KCNIP4: variants seen among roughly 807,000 people sequenced by gnomAD.
KCNIP4 encodes the protein Kv channel-interacting protein 4.
Under a neutral mutation model 34.0 loss-of-function variants are expected in KCNIP4, and 12 were observed. That is an observed-to-expected ratio of 0.35 (90% CI 0.23 to 0.57). The LOEUF (loss-of-function observed/expected upper bound fraction) is 0.57. KCNIP4 is among the 20% of genes least tolerant of loss of function. KCNIP4 has a pLI of 0.83. For synonymous variants in KCNIP4, 124 were observed against 102.2 expected (o/e 1.21, Z -1.29); for missense variants, 238 against 311.7 (o/e 0.76, Z 1.78).
chr4:20,893,870 T>C (rs918782730), intron 1 of KCNIP4, among the ~76,000 whole-genome samples: 1 of 152,140 alleles, frequency 6.6e-6, no homozygotes, highest in African/African-American at 2.4e-5. Context: ...TAACTCTTAT[T>C]TATTTTTATA....
At chr4:20,736,348 C>T (rs576632842) in intron 5 of KCNIP4, among the ~76,000 whole-genome samples, 137 of 152,078 alleles carry the variant, frequency 9.0e-4, no homozygotes, top group Non-Finnish European at 1.4e-3. Flanking sequence ...TTTTTCTCAT[C>T]ATTATTTCTA....
chr4:21,846,304 G>A (rs1724009741), intron 1 of KCNIP4: 1 of 152,030 alleles, frequency 6.6e-6, no homozygotes, highest in Non-Finnish European at 1.5e-5. Context: ...GACAGATATA[G>A]ATACACATAT....
intron 1 of KCNIP4, among the ~76,000 whole-genome samples, chr4:21,086,159 C>T (rs754186182): frequency 1.3e-5 from 2 of 152,090 alleles, no homozygotes; most frequent in Non-Finnish European, 2.9e-5. Flanking sequence ...TTTCATCCTA[C>T]CACCCCTGGA....
intron 1 of KCNIP4, among the ~76,000 whole-genome samples, chr4:21,785,852 G>A (rs1207579430): frequency 6.6e-6 from 1 of 152,126 alleles, no homozygotes; most frequent in Admixed American, 6.6e-5. Flanking sequence ...CCATTCGTCA[G>A]TTGATGGACA....
chr4:21,241,294 G>A (rs1759793984), intron 1 of KCNIP4, among the ~76,000 whole-genome samples: 1 of 152,110 alleles, frequency 6.6e-6, no homozygotes, highest in African/African-American at 2.4e-5. Flanking sequence ...CCTTTTTGAG[G>A]CATTTCTCAA....
At chr4:21,659,894 G>A (rs573570261) in intron 1 of KCNIP4, among the ~76,000 whole-genome samples, 1 of 152,118 alleles carries the variant, frequency 6.6e-6, no homozygotes, top group Admixed American at 6.6e-5. Context: ...CTTGAGGAGA[G>A]GACTCTAGCT....
At chr4:21,442,931 T>C (rs776202058) in intron 1 of KCNIP4, among the ~76,000 whole-genome samples, 5 of 152,244 alleles carry the variant, frequency 3.3e-5, no homozygotes, top group Admixed American at 1.3e-4. Context: ...AGGATTCATC[T>C]GTATCACTTC....
At position 21,151,405 on chromosome 4, in the gene KCNIP4, A is replaced by ATTTTTTTTTTTTTTTTT. The variant is rs1491541435; in HGVS notation, c.62-268697_62-268696insAAAAAAAAAAAAAAAAA. Among the ~76,000 whole-genome samples, 27 of 93,512 alleles carry ATTTTTTTTTTTTTTTTT rather than the reference A, an allele frequency of 2.9e-4. 11 individuals carry two copies. Among genetic ancestry groups the ATTTTTTTTTTTTTTTTT allele is most frequent in the African/African-American group, 5.7e-4 (14 of 24,702 alleles). The allele number at this position is 93,512 out of a possible 152,430, so 61.3% of individuals were successfully genotyped here. A position where few individuals can be genotyped will look rare whatever the true frequency, so the allele number is the denominator to read the frequency against. On this transcript the variant is annotated intron_variant, in intron 1 of 8. Transcript: ENST00000382152. ...AGAATGGATGTCTTCAACAAAAGAC[A>ATTTTTTTTTTTTTTTTT]ATTTTTTTTTTTTTTTTTTTTTTTT...
intron 1 of KCNIP4, among the ~76,000 whole-genome samples, chr4:21,641,071 T>A (rs555421568): frequency 2.6e-5 from 4 of 152,322 alleles, no homozygotes; most frequent in Admixed American, 2.0e-4. Flanking sequence ...GAACTGGCCG[T>A]TACCTGTCCT....
rs143878786 is a variant in KCNIP4 at position 21,810,283 on chromosome 4, A to G, written c.61+138288T>C. Among the ~76,000 whole-genome samples the G allele has an allele frequency of 2.2e-3, 329 of 152,366 alleles. 1 individual carries two copies. The highest frequency in any genetic ancestry group is 7.6e-3 in the African/African-American group (314 of 41,586). ...TAGAAATATTCAATAGCATAAAATC[A>G]TAAAACTGGTAAGAGATTACAACTC... On this transcript the variant is annotated intron_variant, in intron 1 of 8. Transcript: ENST00000382152.
At chr4:21,200,529 A>C (rs1756417584) in intron 1 of KCNIP4, among the ~76,000 whole-genome samples, 1 of 151,886 alleles carries the variant, frequency 6.6e-6, no homozygotes, top group South Asian at 2.1e-4. Context: ...TAAGTGAAAT[A>C]ACTCAGGAAT....
intron 1 of KCNIP4, among the ~76,000 whole-genome samples, chr4:21,768,697 A>C (rs142465512): frequency 6.8e-4 from 103 of 152,252 alleles, no homozygotes; most frequent in East Asian, 4.8e-3. Context: ...TGCAATTATT[A>C]ATTATTTCTC....
At chr4:21,876,895 G>C (rs551889298) in intron 1 of KCNIP4, among the ~76,000 whole-genome samples, 1 of 152,010 alleles carries the variant, frequency 6.6e-6, no homozygotes, top group Admixed American at 6.5e-5. Flanking sequence ...CAAATTTGTA[G>C]TGATAACAGG....
chr4:21,748,242 A>G (rs1266778935), intron 1 of KCNIP4, among the ~76,000 whole-genome samples: 1 of 152,202 alleles, frequency 6.6e-6, no homozygotes, highest in Non-Finnish European at 1.5e-5. Flanking sequence ...AAACAGCACC[A>G]AAAGAGCAGA....
At chr4:21,507,300 T>G (rs1214210661) in intron 1 of KCNIP4, among the ~76,000 whole-genome samples, 1 of 151,790 alleles carries the variant, frequency 6.6e-6, no homozygotes, top group Non-Finnish European at 1.5e-5. Context: ...AGTCTCACTC[T>G]GTTTCCCAGG....
intron 1 of KCNIP4, among the ~76,000 whole-genome samples, chr4:21,265,541 G>A (rs1280485338): frequency 3.9e-5 from 6 of 152,156 alleles, no homozygotes. Flanking sequence ...AATGACAGGA[G>A]CCTTAAATAA....
chr4:21,646,925 C>T (rs1307941575), intron 1 of KCNIP4, among the ~76,000 whole-genome samples: 3 of 152,084 alleles, frequency 2.0e-5, no homozygotes, highest in East Asian at 1.9e-4. Flanking sequence ...ATTTTATTTT[C>T]CCCCAATTTC....
At chr4:21,346,689 CT>C (rs988002269) in intron 1 of KCNIP4, among the ~76,000 whole-genome samples, 1 of 152,022 alleles carries the variant, frequency 6.6e-6, no homozygotes, top group African/African-American at 2.4e-5. Flanking sequence ...TACAAATCAC[CT>C]GGGGAATCTT....
intron 1 of KCNIP4, among the ~76,000 whole-genome samples, chr4:21,253,262 C>T (rs972167593): frequency 6.6e-6 from 1 of 152,136 alleles, no homozygotes; most frequent in Non-Finnish European, 1.5e-5. Flanking sequence ...GTCTCTGAGG[C>T]TCATTTTTGG....
Sources: gnomAD v4.1 joint callset for allele counts (sites outside exome capture counted in the v4.1 genomes callset) on GRCh38, gnomAD v4.1.1 for gene constraint, MANE v1.5 for transcripts, NCBI Gene and HGNC (gene_info 2026-07-23, HGNC 2026-07-21) for gene names.